Variants in HTR2C observed in about 807,000 individuals in gnomAD.
The protein encoded by HTR2C is 5-hydroxytryptamine receptor 2C.
In HTR2C, 5 loss-of-function variants were observed where a neutral mutation model predicts 21.0. That is an observed-to-expected ratio of 0.24 (90% confidence interval 0.12 to 0.50). The LOEUF is 0.50. Among genes scored for constraint, HTR2C ranks in the 20% least tolerant of loss-of-function variants. HTR2C has a pLI of 0.98. For missense variants in HTR2C, 271 were observed against 371.2 expected, an observed-to-expected ratio of 0.73 and a Z score of 2.22; for synonymous variants, 150 against 145.3, an observed-to-expected ratio of 1.03 and a Z score of -0.23.
At chrX:114,705,234 G>C (rs1556417772) in intron 2 of HTR2C, among the ~76,000 whole-genome samples, 1 of 110,976 alleles carries the variant, frequency 9.0e-6, no homozygotes, top group East Asian at 2.8e-4. Flanking sequence ...AACCAAAAAA[G>C]AGCCCGCATT....
At chrX:114,719,499 AATTT>A (rs1933115598) in intron 2 of HTR2C, among the ~76,000 whole-genome samples, 1 of 111,184 alleles carries the variant, frequency 9.0e-6, no homozygotes, top group Admixed American at 9.7e-5. Flanking sequence ...TAATTCATAT[AATTT>A]ATTCCCATCA....
intron 2 of HTR2C, among the ~76,000 whole-genome samples, chrX:114,707,969 A>G (rs148855764): frequency 1.6e-3 from 175 of 109,341 alleles, no homozygotes; most frequent in African/African-American, 5.5e-3. Flanking sequence ...TAACCGTTTT[A>G]ACTTGGTTTG....
At chrX:114,597,685 G>A (rs781980274) in intron 1 of HTR2C, among the ~76,000 whole-genome samples, 35 of 111,824 alleles carry the variant, frequency 3.1e-4, no homozygotes, top group African/African-American at 1.1e-3. Context: ...AAACAGTGGT[G>A]AGACATGCAC....
At chrX:114,717,398 T>C (rs902495225) in intron 2 of HTR2C, among the ~76,000 whole-genome samples, 1 of 112,375 alleles carries the variant, frequency 8.9e-6, no homozygotes, top group African/African-American at 3.2e-5. Flanking sequence ...AAAAATTTAG[T>C]GTGAAATTTA....
chrX:114,784,504 AATC>A (rs1304596309), intron 4 of HTR2C, among the ~76,000 whole-genome samples: 1 of 110,138 alleles, frequency 9.1e-6, no homozygotes, highest in Non-Finnish European at 1.9e-5. Context: ...CTAAAGGAAA[AATC>A]ATCCTAGCTT....
At chrX:114,634,582 G>A in intron 2 of HTR2C, among the ~76,000 whole-genome samples, 1 of 110,835 alleles carries the variant, frequency 9.0e-6, no homozygotes, top group Non-Finnish European at 1.9e-5. Context: ...GGCCGAGGTG[G>A]GCAGATCACT....
rs1226998368 is a variant in HTR2C, at chrX:114,806,296, CACACCATATATATACACTACATATAT to C, written c.350-41689_350-41664del. On this transcript the variant is annotated intron_variant, in intron 4 of 5. Coordinates refer to ENST00000276198, the MANE Select transcript of HTR2C (RefSeq NM_000868.4). ...CATATATATACACACCATATAGATA[CACACCATATATATACACTACATATAT>C]ACACCATATATATACACCATATATA... Among the ~76,000 whole-genome samples the C allele has an allele frequency of 1.9e-3, 179 of 96,260 alleles. 1 individual carries two copies. Among genetic ancestry groups the C allele is most frequent in the Non-Finnish European group, 3.0e-3 (145 of 48,733 alleles). 83.6% of individuals were successfully genotyped at this position (96,260 alleles called of 115,157 possible).
chrX:114,791,225 A>G (rs2070229184), intron 4 of HTR2C, among the ~76,000 whole-genome samples: 1 of 112,555 alleles, frequency 8.9e-6, no homozygotes, highest in African/African-American at 3.2e-5. Context: ...AGAAAAATTA[A>G]ATGGACCAAC....
intron 5 of HTR2C, among the ~76,000 whole-genome samples, chrX:114,898,311 T>C (rs1293408419): frequency 4.5e-5 from 5 of 112,089 alleles, no homozygotes; most frequent in Admixed American, 9.4e-5. Context: ...TAGACCTTTG[T>C]CAGGTTGCAA....
In HTR2C at chrX:114,716,994, C is replaced by T. The variant is rs189555790; in HGVS notation, c.-79-9864C>T. On this transcript the variant is annotated intron_variant, in intron 2 of 5. Coordinates refer to ENST00000276198, the MANE Select transcript of HTR2C (RefSeq NM_000868.4). ...ACACTGAAAATTGATAAAAATCAAA[C>T]TTCTATATGTATTATTATTTATTCA... 8.7e-3 allele frequency among the ~76,000 whole-genome samples: 963 copies of T among 111,020 alleles called. 8 individuals carry two copies. Among genetic ancestry groups the T allele is most frequent in the Non-Finnish European group, 0.015 (795 of 52,988 alleles).
chrX:114,688,320 CAA>C (rs61292601), intron 2 of HTR2C, among the ~76,000 whole-genome samples: 85 of 77,505 alleles, frequency 1.1e-3, no homozygotes, highest in Non-Finnish European at 1.3e-3. Context: ...GACTCCATCT[CAA>C]AAAAAAAAAA....
Position 114,859,709 on chromosome X carries a change from CCTT to C in HTR2C, c.550+11510_550+11512del, listed in dbSNP as rs1479552376. Among the ~76,000 whole-genome samples the C allele has an allele frequency of 5.4e-5, 6 of 110,890 alleles. No individual in the cohort carries two copies. In the East Asian group the frequency reaches 1.4e-3, roughly 26 times the overall value. On this transcript the variant is annotated intron_variant, in intron 5 of 5. Transcript: ENST00000276198. The stretch of plus-strand genomic sequence containing the variant: ...ATGTCATTGACATCTAATTTTACCT[CCTT>C]CTTTCTACTTACTTTGGGTTTCATT...
intron 4 of HTR2C, among the ~76,000 whole-genome samples, chrX:114,805,913 C>A (rs1214122669): frequency 2.3e-5 from 2 of 86,009 alleles, no homozygotes; most frequent in Non-Finnish European, 4.4e-5. Context: ...CATATATATA[C>A]CATATATATA....
chrX:114,676,997 A>G (rs1931584577), intron 2 of HTR2C, among the ~76,000 whole-genome samples: 1 of 112,002 alleles, frequency 8.9e-6, no homozygotes, highest in South Asian at 3.7e-4. Context: ...TCCTTTCTGT[A>G]TTAATAAAGG....
intron 2 of HTR2C, among the ~76,000 whole-genome samples, chrX:114,692,663 G>A (rs994730487): frequency 1.8e-5 from 2 of 110,570 alleles, no homozygotes; most frequent in African/African-American, 6.6e-5. Flanking sequence ...TTTCTCTCAT[G>A]TTAAAATAAC....
chrX:114,820,403 A>T (rs1363260721), intron 4 of HTR2C, among the ~76,000 whole-genome samples: 1 of 109,849 alleles, frequency 9.1e-6, no homozygotes, highest in East Asian at 2.9e-4. Context: ...AATTTGAAAA[A>T]CTTTTAGGGA....
intron 2 of HTR2C, among the ~76,000 whole-genome samples, chrX:114,674,964 C>T (rs1429434303): frequency 8.9e-6 from 1 of 112,219 alleles, no homozygotes; most frequent in African/African-American, 3.2e-5. Context: ...TCATATTTAT[C>T]TAAACTTCGA....
intron 1 of HTR2C, among the ~76,000 whole-genome samples, chrX:114,587,113 G>A (rs1343517648): frequency 3.6e-5 from 4 of 111,563 alleles, no homozygotes; most frequent in African/African-American, 1.3e-4. Context: ...CTCCAGCTAA[G>A]GGAAACACAA....
At chrX:114,745,573 T>C (rs1434514605) in intron 4 of HTR2C, among the ~76,000 whole-genome samples, 2 of 112,017 alleles carry the variant, frequency 1.8e-5, no homozygotes, top group African/African-American at 6.5e-5. Flanking sequence ...AACAGATGAA[T>C]GGATAAAGAA....
Sources: gnomAD v4.1 joint callset for allele counts (sites outside exome capture counted in the v4.1 genomes callset) on GRCh38, gnomAD v4.1.1 for gene constraint, MANE v1.5 for transcripts, NCBI Gene and HGNC (gene_info 2026-07-23, HGNC 2026-07-21) for gene names.